The following CUX1 variants were observed in gnomAD, a reference collection of about 807,000 sequenced individuals.
The protein encoded by CUX1 is protein CASP.
In CUX1, 31 loss-of-function variants were observed where a neutral mutation model predicts 158.8. The ratio of observed to expected loss-of-function variants is 0.20; its 90% CI spans 0.15 to 0.26. CUX1 has a LOEUF of 0.26. Ranked by LOEUF, CUX1 falls within the 10% of genes least tolerant of loss-of-function variation. The probability of loss-of-function intolerance (pLI) is 1.00; values close to 1 mark genes in which losing one functional copy is unlikely to be tolerated. For missense variants in CUX1, 1,589 were observed against 2,014.6 expected, an observed-to-expected ratio of 0.79 and a Z score of 4.04; for synonymous variants, 879 against 862.1, an observed-to-expected ratio of 1.02 and a Z score of -0.34.
At chr7:102,209,054 C>T (rs1796251376) in intron 20 of CUX1, among the ~76,000 whole-genome samples, 1 of 152,122 alleles carries the variant, frequency 6.6e-6, no homozygotes, top group Non-Finnish European at 1.5e-5. Flanking sequence ...GCTCTGTGCT[C>T]GGTTACCATG....
chr7:102,281,886 T>C, exon 21 of CUX1: 1 of 1,613,676 alleles, frequency 6.2e-7, no homozygotes, highest in Non-Finnish European at 8.5e-7. Flanking sequence ...ATCGGCTTCT[T>C]CTACACACTG....
At chr7:102,049,868 T>G (rs1350030615) in intron 3 of CUX1, among the ~76,000 whole-genome samples, 1 of 152,060 alleles carries the variant, frequency 6.6e-6, no homozygotes, top group Non-Finnish European at 1.5e-5. Flanking sequence ...CCCTGAGATG[T>G]GGGACCAGGC....
At chr7:101,824,880 G>C (rs891751706) in intron 1 of CUX1, among the ~76,000 whole-genome samples, 1 of 152,154 alleles carries the variant, frequency 6.6e-6, no homozygotes, top group Non-Finnish European at 1.5e-5. Context: ...AAAGACTTTC[G>C]TTCTCCCTCT....
At chr7:101,842,790 G>GT (rs553781717) in intron 1 of CUX1, among the ~76,000 whole-genome samples, 1,813 of 134,698 alleles carry the variant, frequency 0.013, 26 homozygotes, top group African/African-American at 0.041. Context: ...TGATGTATTG[G>GT]TTTTTTTTTT....
At chr7:102,189,956 C>T in intron 12 of CUX1, 85 bp downstream of exon 12, 1 of 1,423,516 alleles carries the variant, frequency 7.0e-7, no homozygotes, top group South Asian at 1.2e-5. Context: ...TGGCAGGAAG[C>T]CTTGGCCCCC....
chr7:102,034,146 A>G lies in CUX1; in HGVS notation c.189+6001A>G, dbSNP rs1289212406. 4.4e-3 allele frequency among the ~76,000 whole-genome samples: 153 copies of G among 34,776 alleles called. 1 individual carries two copies. In the South Asian group the frequency reaches 0.052, roughly 12 times the overall value. 22.8% of individuals were successfully genotyped at this position (34,776 alleles called of 152,430 possible). A position where few individuals can be genotyped will look rare whatever the true frequency, so the allele number is the denominator to read the frequency against. ...AGGTGACAGAGCGAGACTCCATCTCAAAAAAAAAAAAAAAAAAAAAAGTCA... is the reference window on the plus strand; with the variant it reads ...AGGTGACAGAGCGAGACTCCATCTCGAAAAAAAAAAAAAAAAAAAAAGTCA... On this transcript the variant is annotated intron_variant, in intron 3 of 23. Transcript: ENST00000292535.
At chr7:102,176,617 C>T (rs1554512091) in intron 10 of CUX1, among the ~76,000 whole-genome samples, 1 of 124,202 alleles carries the variant, frequency 8.1e-6, no homozygotes, top group African/African-American at 3.2e-5. Context: ...GTCACCCAGG[C>T]TGGAGGTCAG....
At chr7:102,023,075 C>T (rs7804339) in intron 2 of CUX1, among the ~76,000 whole-genome samples, 40,431 of 151,860 alleles carry the variant, frequency 0.27, 5,797 homozygotes, top group Non-Finnish European at 0.31. Context: ...ATTAGCAGGG[C>T]GGGGTGGCTC....
At chr7:102,029,705 G>T (rs530575054) in intron 3 of CUX1, among the ~76,000 whole-genome samples, 1 of 152,254 alleles carries the variant, frequency 6.6e-6, no homozygotes, top group South Asian at 2.1e-4. Flanking sequence ...CAGCCCCCAT[G>T]CACGTAGCTT....
chr7:101,944,092 G>T (rs1055763144), intron 2 of CUX1, among the ~76,000 whole-genome samples: 1 of 152,152 alleles, frequency 6.6e-6, no homozygotes, highest in South Asian at 2.1e-4. Context: ...CATCCCAGGT[G>T]TGAGTGACTC....
intron 18 of CUX1, chr7:102,278,161 G>C: frequency 2.4e-6 from 2 of 843,810 alleles, no homozygotes; most frequent in Non-Finnish European, 3.7e-6. Context: ...ACCAAGACCT[G>C]CTGGGCAGCA....
At chr7:102,117,270 C>T (rs371453611) in intron 8 of CUX1, among the ~76,000 whole-genome samples, 24 of 151,940 alleles carry the variant, frequency 1.6e-4, no homozygotes, top group African/African-American at 4.3e-4. Context: ...TGGTGGCGTG[C>T]GCCTGTAACC....
At chr7:102,111,173 G>A (rs1161550387) in intron 6 of CUX1, among the ~76,000 whole-genome samples, 1 of 152,022 alleles carries the variant, frequency 6.6e-6, no homozygotes, top group Non-Finnish European at 1.5e-5. Context: ...AGAGATCCTG[G>A]GAAATCTGAA....
chr7:102,237,419 G>C (rs1241106495), intron 22 of CUX1, among the ~76,000 whole-genome samples: 4 of 151,894 alleles, frequency 2.6e-5, no homozygotes, highest in Non-Finnish European at 5.9e-5. Context: ...GAGTAGCTGG[G>C]ACTACAGGTG....
chr7:102,020,441 TC>T (rs60410797), intron 2 of CUX1, among the ~76,000 whole-genome samples: 18,770 of 152,256 alleles, frequency 0.12, 1,223 homozygotes, highest in Non-Finnish European at 0.15. Flanking sequence ...TTTTAAAGAC[TC>T]CATACCTGGT....
chr7:101,957,437 T>A (rs1809911336), intron 2 of CUX1, among the ~76,000 whole-genome samples: 1 of 152,190 alleles, frequency 6.6e-6, no homozygotes, highest in Non-Finnish European at 1.5e-5. Flanking sequence ...TACTTTTTTT[T>A]AGGCAGGGAA....
At chr7:101,876,259 C>T (rs185332478) in intron 1 of CUX1, among the ~76,000 whole-genome samples, 92 of 149,822 alleles carry the variant, frequency 6.1e-4, no homozygotes, top group African/African-American at 2.1e-3. Flanking sequence ...GCAGGAGAGT[C>T]GCTTGATCCT....
intron 2 of CUX1, among the ~76,000 whole-genome samples, chr7:101,940,717 C>G (rs1807603399): frequency 2.6e-5 from 4 of 152,102 alleles, no homozygotes; most frequent in Admixed American, 2.6e-4. Flanking sequence ...CCTCCCAGAT[C>G]CTTGGTTGGG....
chr7:102,282,498 G>T (rs550913113), intron 21 of CUX1, among the ~76,000 whole-genome samples: 33 of 152,266 alleles, frequency 2.2e-4, no homozygotes, highest in Non-Finnish European at 3.2e-4. Flanking sequence ...CCCTTCCAAG[G>T]GTTGGCCCAC....
Sources: gnomAD v4.1 joint callset for allele counts (sites outside exome capture counted in the v4.1 genomes callset) on GRCh38, gnomAD v4.1.1 for gene constraint, MANE v1.5 for transcripts, NCBI Gene and HGNC (gene_info 2026-07-23, HGNC 2026-07-21) for gene names.